Variants in PTPRK observed in about 807,000 individuals in gnomAD.
The protein encoded by PTPRK is protein tyrosine phosphatase receptor type K.
PTPRK carries 75 observed loss-of-function variants against 178.0 expected under a neutral mutation model. That is an observed-to-expected ratio of 0.42 (90% confidence interval 0.35 to 0.51). PTPRK has a LOEUF of 0.51. PTPRK is among the 20% of genes least tolerant of loss of function. The pLI is 0.02. For synonymous variants in PTPRK, 637 were observed against 620.6 expected (o/e 1.03, Z -0.39); for missense variants, 1,441 against 1,797.8 (o/e 0.80, Z 3.59).
intron 3 of PTPRK, among the ~76,000 whole-genome samples, chr6:128,248,186 A>G (rs1815821864): frequency 1.3e-5 from 2 of 152,236 alleles, no homozygotes; most frequent in African/African-American, 4.8e-5. Flanking sequence ...CCTCCAATTT[A>G]GGAACTGTAG....
intron 13 of PTPRK, among the ~76,000 whole-genome samples, chr6:128,023,569 C>T (rs887321906): frequency 6.6e-6 from 1 of 152,150 alleles, no homozygotes; most frequent in African/African-American, 2.4e-5. Flanking sequence ...GGGAAGTATT[C>T]TTTTAAACAA....
intron 15 of PTPRK, chr6:128,003,267 G>GCC: frequency 1.4e-5 from 21 of 1,492,216 alleles, no homozygotes; most frequent in Non-Finnish European, 1.8e-5. Context: ...GGAATATATT[G>GCC]CTCTAAAATT....
At chr6:128,114,581 C>T (rs538024667) in intron 7 of PTPRK, among the ~76,000 whole-genome samples, 39 of 150,236 alleles carry the variant, frequency 2.6e-4, no homozygotes, top group African/African-American at 9.5e-4. Flanking sequence ...CAAGGTCGCG[C>T]CACTGCACTC....
At chr6:128,408,397 C>CA (rs1481749885) in intron 1 of PTPRK, among the ~76,000 whole-genome samples, 5 of 150,928 alleles carry the variant, frequency 3.3e-5, no homozygotes, top group Non-Finnish European at 5.9e-5. Flanking sequence ...AACAAACAAA[C>CA]AAACAAAAAC....
chr6:128,315,593 T>C (rs998344845), intron 3 of PTPRK, among the ~76,000 whole-genome samples: 6 of 152,136 alleles, frequency 3.9e-5, no homozygotes, highest in African/African-American at 1.4e-4. Context: ...GAGTAAAATT[T>C]AGTGTCCAAA....
intron 1 of PTPRK, among the ~76,000 whole-genome samples, chr6:128,454,927 G>C (rs1204231099): frequency 1.3e-5 from 2 of 151,978 alleles, no homozygotes; most frequent in Non-Finnish European, 1.5e-5. Context: ...ACTCCAAATT[G>C]ACTAATCTGA....
At chr6:128,255,802 T>G (rs887093153) in intron 3 of PTPRK, among the ~76,000 whole-genome samples, 1 of 152,224 alleles carries the variant, frequency 6.6e-6, no homozygotes, top group Non-Finnish European at 1.5e-5. Context: ...GTGATACTGA[T>G]GCAGGCTAAA....
At chr6:128,131,863 T>C (rs2114463343) in intron 7 of PTPRK, among the ~76,000 whole-genome samples, 1 of 152,316 alleles carries the variant, frequency 6.6e-6, no homozygotes, top group Non-Finnish European at 1.5e-5. Context: ...AGTTGAAAAA[T>C]GAGTCATCAC....
At chr6:128,490,680 C>T in intron 1 of PTPRK, among the ~76,000 whole-genome samples, 1 of 152,230 alleles carries the variant, frequency 6.6e-6, no homozygotes, top group Non-Finnish European at 1.5e-5. Context: ...TTTTCCCACA[C>T]AGCAAAATGT....
chr6:128,200,592 A>T (rs1048413109), intron 6 of PTPRK, among the ~76,000 whole-genome samples: 3 of 151,438 alleles, frequency 2.0e-5, no homozygotes, highest in Non-Finnish European at 2.9e-5. Context: ...AAAAATAGCC[A>T]GTGTGGTGGT....
intron 1 of PTPRK, among the ~76,000 whole-genome samples, chr6:128,470,749 CTTTTTT>C (rs11361160): frequency 8.8e-6 from 1 of 114,238 alleles, no homozygotes; most frequent in African/African-American, 3.3e-5. Flanking sequence ...ATATCTCTCT[CTTTTTT>C]TTTTTTTTTT....
chr6:128,405,621 G>T (rs944485294), intron 1 of PTPRK, among the ~76,000 whole-genome samples: 1 of 152,040 alleles, frequency 6.6e-6, no homozygotes, highest in South Asian at 2.1e-4. Context: ...ACATATCTTT[G>T]TTTTGTTTTG....
At chr6:128,227,169 GAAAC>G (rs996255250) in intron 5 of PTPRK, among the ~76,000 whole-genome samples, 3 of 152,026 alleles carry the variant, frequency 2.0e-5, no homozygotes, top group African/African-American at 7.2e-5. Context: ...CAAGAACAAA[GAAAC>G]AAACAAAGAA....
chr6:128,206,261 C>T (rs1806941443), intron 6 of PTPRK, among the ~76,000 whole-genome samples: 1 of 151,420 alleles, frequency 6.6e-6, no homozygotes, highest in Non-Finnish European at 1.5e-5. Context: ...AGAAAAAAGT[C>T]TGGTGATATT....
chr6:128,305,106 G>C (rs1194856378), intron 3 of PTPRK, among the ~76,000 whole-genome samples: 2 of 152,058 alleles, frequency 1.3e-5, no homozygotes, highest in Non-Finnish European at 2.9e-5. Flanking sequence ...GTTTGAAAAA[G>C]AAGACAAGAA....
In PTPRK at chr6:128,262,583, G is replaced by T. The variant is rs184627418; in HGVS notation, c.496-19981C>A. 2.1e-3 allele frequency among the ~76,000 whole-genome samples: 326 copies of T among 152,150 alleles called. 1 individual carries two copies. Among genetic ancestry groups the T allele is most frequent in the African/African-American group, 7.4e-3 (309 of 41,516 alleles). ...AACTACAGAGCTATGGAGGGGGCAAGGCAAAGAAGGAGGGAGAGGGAGAGA... is the reference window on the plus strand; with the variant it reads ...AACTACAGAGCTATGGAGGGGGCAATGCAAAGAAGGAGGGAGAGGGAGAGA... On this transcript the variant is annotated intron_variant, in intron 3 of 29. Coordinates refer to ENST00000368226, the MANE Select transcript of PTPRK (RefSeq NM_002844.4).
intron 2 of PTPRK, among the ~76,000 whole-genome samples, chr6:128,396,703 T>TA (rs902123788): frequency 1.3e-5 from 2 of 152,002 alleles, no homozygotes; most frequent in African/African-American, 2.4e-5. Flanking sequence ...CAAAGTAAGG[T>TA]AAAAAACGAA....
chr6:128,342,808 C>T (rs1831851049), intron 2 of PTPRK, among the ~76,000 whole-genome samples: 1 of 151,750 alleles, frequency 6.6e-6, no homozygotes, highest in Admixed American at 6.6e-5. Context: ...AGATTTAAGC[C>T]ATGCATAGTA....
intron 1 of PTPRK, among the ~76,000 whole-genome samples, chr6:128,408,335 C>T (rs1276251924): frequency 6.6e-6 from 1 of 152,132 alleles, no homozygotes; most frequent in Non-Finnish European, 1.5e-5. Flanking sequence ...TTACAGTGAG[C>T]CGAGATCGTG....
Sources: allele counts gnomAD v4.1 joint callset (sites outside exome capture counted in the v4.1 genomes callset), GRCh38; gene constraint gnomAD v4.1.1; transcripts MANE v1.5; gene names NCBI Gene and HGNC (gene_info 2026-07-23, HGNC 2026-07-21).